Variants in RAB38 observed in about 807,000 individuals in gnomAD.
RAB38 encodes the protein RAB38, member RAS oncogene family.
A neutral mutation model predicts 18.4 loss-of-function variants in RAB38; 15 were observed. That is an observed-to-expected ratio of 0.82 (90% CI 0.55 to 1.26). The LOEUF is 1.26. RAB38 is among the 50% of genes most tolerant of loss of function. The pLI is 0.00. For missense variants in RAB38, 294 were observed against 267.4 expected (o/e 1.10, Z -0.69); for synonymous variants, 101 against 104.4 (o/e 0.97, Z 0.20).
At chr11:88,082,010 G>C in the RAB38 span, among the ~76,000 whole-genome samples, 3 of 151,810 alleles carry the variant, frequency 2.0e-5, no homozygotes, top group Non-Finnish European at 4.4e-5. Flanking sequence ...CAGAAACCTA[G>C]ATATGCTATG....
chr11:87,846,136 A>G, the RAB38 span, among the ~76,000 whole-genome samples: 1 of 152,120 alleles, frequency 6.6e-6, no homozygotes, highest in Non-Finnish European at 1.5e-5. Flanking sequence ...AATAAATCAA[A>G]ATGGAATACT....
At chr11:88,040,288 G>A in the RAB38 span, among the ~76,000 whole-genome samples, 20 of 152,276 alleles carry the variant, frequency 1.3e-4, no homozygotes, top group South Asian at 8.3e-4. Flanking sequence ...GTAGATGGCC[G>A]TCCTCTCCCT....
At chr11:87,853,150 T>G in the RAB38 span, among the ~76,000 whole-genome samples, 7 of 152,190 alleles carry the variant, frequency 4.6e-5, no homozygotes, top group Non-Finnish European at 1.0e-4. Flanking sequence ...GAAAGGTTTA[T>G]GAAGTCCCTA....
chr11:87,863,908 G>T, the RAB38 span, among the ~76,000 whole-genome samples: 3 of 151,700 alleles, frequency 2.0e-5, no homozygotes, highest in African/African-American at 7.3e-5. Flanking sequence ...ATAAATGAGT[G>T]CTGCCCCATG....
At chr11:88,078,903 G>T in the RAB38 span, among the ~76,000 whole-genome samples, 2 of 151,750 alleles carry the variant, frequency 1.3e-5, no homozygotes, top group Non-Finnish European at 2.9e-5. Flanking sequence ...ATAAAGAAAA[G>T]ATAAATATTT....
chr11:88,054,075 C>T, the RAB38 span, among the ~76,000 whole-genome samples: 5 of 152,126 alleles, frequency 3.3e-5, no homozygotes, highest in African/African-American at 1.2e-4. Flanking sequence ...GATGTTATGC[C>T]CGCATCACCT....
At chr11:88,067,946 TACATATATATACTTATATATATAC>T in the RAB38 span, among the ~76,000 whole-genome samples, 339 of 146,766 alleles carry the variant, frequency 2.3e-3, 2 homozygotes, top group African/African-American at 8.0e-3. Context: ...CACATATATA[TACATATATATACTTATATATATAC>T]ACATATATAT....
At chr11:88,096,928 C>A in the RAB38 span, among the ~76,000 whole-genome samples, 2 of 151,500 alleles carry the variant, frequency 1.3e-5, no homozygotes, top group Non-Finnish European at 2.9e-5. Flanking sequence ...TTTTTCATAT[C>A]TGTTTTATTT....
chr11:87,966,578 C>A, the RAB38 span, among the ~76,000 whole-genome samples: 1 of 152,102 alleles, frequency 6.6e-6, no homozygotes, highest in Admixed American at 6.6e-5. Flanking sequence ...TTTCCTCCCA[C>A]CCCATATAGT....
chr11:87,817,059 C>T, the RAB38 span: 2 of 152,124 alleles, frequency 1.3e-5, no homozygotes, highest in Non-Finnish European at 2.9e-5. Flanking sequence ...CCTTAAATCA[C>T]ATGAAGATAT....
chr11:88,174,196 G>A (rs1943347255), intron 1 of RAB38: 3 of 678,488 alleles, frequency 4.4e-6, no homozygotes, highest in South Asian at 6.6e-5. Context: ...CTTGTCCAAA[G>A]CCACTGAGCA....
chr11:87,852,652 C>G, the RAB38 span, among the ~76,000 whole-genome samples: 1 of 152,102 alleles, frequency 6.6e-6, no homozygotes, highest in East Asian at 1.9e-4. Flanking sequence ...TTTCTCATCT[C>G]TGCATTAAGT....
At chr11:88,138,805 C>T (rs371902533) in intron 2 of RAB38, among the ~76,000 whole-genome samples, 3 of 148,346 alleles carry the variant, frequency 2.0e-5, no homozygotes, top group South Asian at 4.2e-4. Flanking sequence ...TTTTTTGAGG[C>T]GGAGTCTTGC....
chr11:87,842,756 C>T, the RAB38 span, among the ~76,000 whole-genome samples: 3 of 151,864 alleles, frequency 2.0e-5, no homozygotes, highest in Non-Finnish European at 4.4e-5. Flanking sequence ...AAAATAAATC[C>T]CCACCCCATG....
chr11:87,865,493 G>C, the RAB38 span, among the ~76,000 whole-genome samples: 10 of 151,464 alleles, frequency 6.6e-5, no homozygotes, highest in Non-Finnish European at 7.4e-5. Flanking sequence ...GTGAAGTAAG[G>C]GTGTCTCCCT....
At chr11:88,044,717 C>A in the RAB38 span, among the ~76,000 whole-genome samples, 1 of 152,068 alleles carries the variant, frequency 6.6e-6, no homozygotes, top group Non-Finnish European at 1.5e-5. Flanking sequence ...CATCCCAAAT[C>A]CTCCTTCTTT....
the RAB38 span, among the ~76,000 whole-genome samples, chr11:88,027,082 TTAAAA>T: frequency 6.6e-5 from 10 of 152,314 alleles, no homozygotes; most frequent in African/African-American, 2.4e-4. Context: ...AATCAGACCA[TTAAAA>T]TAAAATAAAC....
chr11:87,852,603 G>A, the RAB38 span, among the ~76,000 whole-genome samples: 29,022 of 151,996 alleles, frequency 0.19, 3,456 homozygotes, highest in African/African-American at 0.32. Flanking sequence ...ACAGATTCAA[G>A]TTTTAATAGT....
the RAB38 span, among the ~76,000 whole-genome samples, chr11:88,051,363 G>C: frequency 6.6e-6 from 1 of 151,912 alleles, no homozygotes; most frequent in African/African-American, 2.4e-5. Flanking sequence ...ATTCTAATCA[G>C]CACCTCCAAA....
Sources: gnomAD v4.1 joint callset for allele counts (sites outside exome capture counted in the v4.1 genomes callset) on GRCh38, gnomAD v4.1.1 for gene constraint, MANE v1.5 for transcripts, NCBI Gene and HGNC (gene_info 2026-07-23, HGNC 2026-07-21) for gene names.